The following PDE4C variants were observed in gnomAD, a reference collection of about 807,000 sequenced individuals.
The protein encoded by PDE4C is phosphodiesterase 4C, also known as 3',5'-cyclic-AMP phosphodiesterase 4C.
A neutral mutation model predicts 63.9 loss-of-function variants in PDE4C; 50 were observed. The ratio of observed to expected loss-of-function variants is 0.78; its 90% confidence interval spans 0.62 to 0.99. The LOEUF (loss-of-function observed/expected upper bound fraction) is 0.99, where lower values mean the gene tolerates loss of function less well. Ranked by LOEUF, PDE4C falls within the 50% of genes least tolerant of loss-of-function variation. PDE4C has a pLI of 0.00. For synonymous variants in PDE4C, 377 were observed against 385.1 expected, an observed-to-expected ratio of 0.98 and a Z score of 0.25; for missense variants, 777 against 899.1, an observed-to-expected ratio of 0.86 and a Z score of 1.74.
upstream of PDE4C, among the ~76,000 whole-genome samples, chr19:18,237,872 C>CAAAA (rs57462449): frequency 6.3e-5 from 6 of 94,898 alleles, no homozygotes; most frequent in Non-Finnish European, 1.0e-4. Flanking sequence ...GACTCCATCT[C>CAAAA]AAAAAAAAAA....
At chr19:18,222,923 C>G (rs982410993) in intron 1 of PDE4C, among the ~76,000 whole-genome samples, 1 of 152,004 alleles carries the variant, frequency 6.6e-6, no homozygotes, top group Non-Finnish European at 1.5e-5. Context: ...TGGTCTTGAA[C>G]TCCTGGCCTC....
intron 1 of PDE4C, chr19:18,224,276 G>C (rs1968624983): frequency 1.0e-6 from 1 of 985,382 alleles, no homozygotes; most frequent in African/African-American, 1.7e-5. Context: ...AAGCGGCACC[G>C]ACAGGAAGAC....
exon 2 of PDE4C, chr19:18,222,317 G>A: frequency 6.2e-7 from 1 of 1,609,412 alleles, no homozygotes; most frequent in Non-Finnish European, 8.5e-7. Context: ...CATTTTCCAG[G>A]TCAAAGCTGA....
chr19:18,246,101 T>C (rs1413377869), intron 1 of PDE4C, among the ~76,000 whole-genome samples: 1 of 149,462 alleles, frequency 6.7e-6, no homozygotes. Context: ...CTGCAACCCC[T>C]GCCTTCCGGG....
chr19:18,211,807 G>A (rs1043778022), exon 14 of PDE4C: 13 of 1,614,106 alleles, frequency 8.1e-6, no homozygotes, highest in Middle Eastern at 1.6e-4. Flanking sequence ...TGGGACTGAT[G>A]TCCAGGCCCG....
chr19:18,237,891 A>C (rs271834), upstream of PDE4C, among the ~76,000 whole-genome samples: 84,248 of 141,462 alleles, frequency 0.6, 25,615 homozygotes, highest in Middle Eastern at 0.72. Context: ...AAAAAAAAAA[A>C]AAGTGCCTGG....
intron 1 of PDE4C, among the ~76,000 whole-genome samples, chr19:18,222,953 G>A (rs566626197): frequency 3.9e-4 from 59 of 151,834 alleles, no homozygotes; most frequent in Non-Finnish European, 7.1e-4. Context: ...TCCCAGCTCC[G>A]CCTCCCAAAG....
chr19:18,208,887 CT>C (rs1413366665), downstream of PDE4C: 1 of 152,074 alleles, frequency 6.6e-6, no homozygotes, highest in Non-Finnish European at 1.5e-5. Flanking sequence ...AATCAGGAGA[CT>C]TAGAGACCTG....
chr19:18,243,945 C>T (rs1199943508), intron 1 of PDE4C, among the ~76,000 whole-genome samples: 1 of 152,040 alleles, frequency 6.6e-6, no homozygotes, highest in Non-Finnish European at 1.5e-5. Flanking sequence ...ACCTCCAACT[C>T]CCTGTTTCAT....
chr19:18,234,558 G>A (rs1968918219), upstream of PDE4C, among the ~76,000 whole-genome samples: 1 of 152,198 alleles, frequency 6.6e-6, no homozygotes, highest in African/African-American at 2.4e-5. Flanking sequence ...AGAAAGAGGT[G>A]AGATTTTGTA....
rs1187952480 is a variant in PDE4C, at chr19:18,220,915, G to A, written c.458C>T (p.Pro153Leu). ...ATTGCTGGATGAAGGGTTTCCGACG[G>A]GTCCCTGCCTGCGGTACAGCAGCCT... Residue 153 changes from proline to leucine, a missense_variant, in exon 5 of 15, where the codon CCC becomes CTC. Physicochemically the swap from Pro to Leu is moderately conservative, Grantham distance 98 (BLOSUM62 -3). This residue lies in a region of PDE4C where 249 missense variants were observed against 247.8 expected (regional missense o/e 1.00). Coordinates refer to ENST00000262805, the Ensembl canonical transcript of PDE4C. The surrounding 1 kb of genome is among the most constrained non-coding windows in gnomAD (Gnocchi z 5.1). 6.2e-7 allele frequency: 1 copy of A among 1,605,540 alleles called. No homozygotes were observed. Among genetic ancestry groups the A allele is most frequent in the Non-Finnish European group, 8.5e-7 (1 of 1,177,248 alleles).
intron 1 of PDE4C, among the ~76,000 whole-genome samples, chr19:18,242,471 A>G (rs2148068439): frequency 1.6e-5 from 1 of 63,402 alleles, no homozygotes; most frequent in Non-Finnish European, 2.7e-5. Flanking sequence ...GGGAGACTCC[A>G]TCTCAAAAAA....
chr19:18,233,506 C>A (rs1420754472), exon 1 of PDE4C: 1 of 627,052 alleles, frequency 1.6e-6, no homozygotes, highest in Non-Finnish European at 3.0e-6. Flanking sequence ...CTGCCGTCCC[C>A]TATAGCGCTG....
Position 18,220,380 on chromosome 19 carries a change from C to A in PDE4C, c.612+23G>T. 6.2e-7 allele frequency: 1 copy of A among 1,611,692 alleles called. No individual in the cohort carries two copies. Among genetic ancestry groups the A allele is most frequent in the East Asian group, 2.2e-5 (1 of 44,862 alleles). Reference sequence around the variant, plus strand: ...GGCACCGTGGGCCGAGGCAGGTGAGCTCAGCGATCTGCCCCACCTCACCTT... The same window carrying A: ...GGCACCGTGGGCCGAGGCAGGTGAGATCAGCGATCTGCCCCACCTCACCTT... On this transcript the variant is annotated intron_variant, in intron 6 of 14. Transcript: ENST00000262805. The surrounding 1 kb of genome is among the most constrained non-coding windows in gnomAD (Gnocchi z 5.1).
At chr19:18,228,611 A>C (rs1968789965), upstream of PDE4C, among the ~76,000 whole-genome samples, 1 of 152,184 alleles carries the variant, frequency 6.6e-6, no homozygotes, top group South Asian at 2.1e-4. Flanking sequence ...TTTTATCAAT[A>C]GGTTTACTAT....
At chr19:18,222,238 G>A (rs758343814) in exon 2 of PDE4C, 2 of 1,614,162 alleles carry the variant, frequency 1.2e-6, no homozygotes, top group South Asian at 1.1e-5. Context: ...TGCGGGACTG[G>A]AGCCTGCATA....
At chr19:18,235,303 T>A (rs1039848902), upstream of PDE4C, among the ~76,000 whole-genome samples, 1 of 152,160 alleles carries the variant, frequency 6.6e-6, no homozygotes, top group Admixed American at 6.5e-5. Context: ...CCCAAGTAGC[T>A]GGGATTACAA....
intron 1 of PDE4C, among the ~76,000 whole-genome samples, chr19:18,247,123 C>T (rs1246161011): frequency 6.6e-6 from 1 of 152,154 alleles, no homozygotes; most frequent in Non-Finnish European, 1.5e-5. Flanking sequence ...AGCCAGGTCC[C>T]CTTTTCTTGG....
upstream of PDE4C, chr19:18,252,072 G>A (rs1025109649): frequency 1.3e-5 from 5 of 398,796 alleles, no homozygotes; most frequent in African/African-American, 6.2e-5. Flanking sequence ...ACCTGGGCCA[G>A]GGGGCTCCAA....
Sources: gnomAD v4.1 joint callset for allele counts (sites outside exome capture counted in the v4.1 genomes callset) on GRCh38, gnomAD v4.1.1 for gene constraint, gnomAD v4.1.1 regional missense constraint, Gnocchi (gnomAD v3.1) non-coding constraint, MANE v1.5 for transcripts, NCBI Gene and HGNC (gene_info 2026-07-23, HGNC 2026-07-21) for gene names.